RPS6KA5: variants seen among roughly 807,000 people sequenced by gnomAD.
RPS6KA5 encodes the protein ribosomal protein S6 kinase alpha-5.
A neutral mutation model predicts 85.5 loss-of-function variants in RPS6KA5; 27 were observed. That is an observed-to-expected ratio of 0.32 (90% CI 0.23 to 0.44). RPS6KA5 has a LOEUF of 0.44. RPS6KA5 is among the 20% of genes least tolerant of loss of function. RPS6KA5 has a pLI of 1.00. For missense variants in RPS6KA5, 811 were observed against 980.9 expected (o/e 0.83, Z 2.31); for synonymous variants, 334 against 348.2 (o/e 0.96, Z 0.46).
chr14:90,850,345 C>G lies in RPS6KA5; in HGVS notation c.*21729G>C, dbSNP rs969483203. ...CAATTTTAAAAATAGACATCCTTTCCCTTCTTGCTCCCTCCCATAAATACT... is the reference window on the plus strand; with the variant it reads ...CAATTTTAAAAATAGACATCCTTTCGCTTCTTGCTCCCTCCCATAAATACT... On this transcript the variant is annotated 3_prime_UTR_variant, in exon 17 of 17. Transcript: ENST00000614987. The G allele has an allele frequency of 6.6e-6, 1 of 151,976 alleles. No homozygotes were observed. Among genetic ancestry groups the G allele is most frequent in the African/African-American group, 2.4e-5 (1 of 41,352 alleles). The allele number at this position is 151,976 out of a possible 1,614,324, so 9.4% of individuals were successfully genotyped here.
rs557144008 is a variant in RPS6KA5, at chr14:90,982,470, GA to G, written c.176-3947del. ...GAGCATGATCCTGTCTCCAAAGGAA[GA>G]AAAAAAAGATAAAACAATAGTACTT... On this transcript the variant is annotated intron_variant, in intron 2 of 16. Transcript: ENST00000614987. Among the ~76,000 whole-genome samples, 492 of 151,894 alleles carry G rather than the reference GA, an allele frequency of 3.2e-3. 2 individuals are homozygous for G. Among genetic ancestry groups the G allele is most frequent in the African/African-American group, 0.011 (468 of 41,416 alleles).
At position 90,857,589 on chromosome 14, in the gene RPS6KA5, C is replaced by A. The variant is rs1056437289; in HGVS notation, c.*14485G>T. ...AGAAACTCATAGTTAGGGAATTGGG[C>A]TTGCAAAAGGTAGGCCAAATATTGA... On this transcript the variant is annotated 3_prime_UTR_variant, in exon 17 of 17. Coordinates refer to ENST00000614987, the MANE Select transcript of RPS6KA5 (RefSeq NM_004755.4). 2.0e-5 allele frequency: 3 copies of A among 152,130 alleles called. No individual in the cohort carries two copies. The highest frequency in any genetic ancestry group is 7.2e-5 in the African/African-American group (3 of 41,420). The allele number at this position is 152,130 out of a possible 1,614,324, so 9.4% of individuals were successfully genotyped here. A position where few individuals can be genotyped will look rare whatever the true frequency, so the allele number is the denominator to read the frequency against.
At chr14:90,982,767 T>TCAGGAATTCGAGATCAGCCTCACCAA (rs2039851511) in intron 2 of RPS6KA5, among the ~76,000 whole-genome samples, 1 of 150,484 alleles carries the variant, frequency 6.6e-6, no homozygotes, top group African/African-American at 2.5e-5. Context: ...TCACCTGAGG[T>TCAGGAATTCGAGATCAGCCTCACCAA]CAGGAATTCG....
chr14:91,028,145 C>CA (rs1399628546), intron 1 of RPS6KA5, among the ~76,000 whole-genome samples: 6 of 152,012 alleles, frequency 3.9e-5, no homozygotes, highest in African/African-American at 1.4e-4. Context: ...TCCCAGAAAA[C>CA]AAAGTTAGCT....
chr14:91,037,153 C>A (rs762044328), intron 1 of RPS6KA5, among the ~76,000 whole-genome samples: 35 of 152,206 alleles, frequency 2.3e-4, no homozygotes, highest in Admixed American at 6.5e-5. Context: ...TTTTTTATTG[C>A]TTCCATGCCT....
intron 12 of RPS6KA5, among the ~76,000 whole-genome samples, chr14:90,897,200 G>T (rs2034889007): frequency 6.6e-6 from 1 of 152,170 alleles, no homozygotes; most frequent in South Asian, 2.1e-4. Flanking sequence ...TCGCTGATCT[G>T]CCAAGAGGTG....
intron 8 of RPS6KA5, among the ~76,000 whole-genome samples, chr14:90,904,518 T>C (rs905075604): frequency 6.6e-6 from 1 of 152,240 alleles, no homozygotes; most frequent in African/African-American, 2.4e-5. Context: ...CTTGACTTTC[T>C]AGTTAAGTGT....
In RPS6KA5 at chr14:90,860,573, T is replaced by A. The variant is rs2032493114; in HGVS notation, c.*11501A>T. 1 of 152,088 alleles carries A rather than the reference T, an allele frequency of 6.6e-6. No homozygotes were observed. Among genetic ancestry groups the A allele is most frequent in the African/African-American group, 2.4e-5 (1 of 41,394 alleles). The allele number at this position is 152,088 out of a possible 1,614,324, so 9.4% of individuals were successfully genotyped here. On this transcript the variant is annotated 3_prime_UTR_variant, in exon 17 of 17. Coordinates refer to ENST00000614987, the MANE Select transcript of RPS6KA5 (RefSeq NM_004755.4). Reference sequence around the variant, plus strand: ...ATAAAATGGTGAACCTAGTATTTCATACAAGGCAAAAATATCCTTCAAAAA... The same window carrying A: ...ATAAAATGGTGAACCTAGTATTTCAAACAAGGCAAAAATATCCTTCAAAAA...
chr14:90,902,060 GTCC>G (rs1412116044), intron 9 of RPS6KA5, among the ~76,000 whole-genome samples: 2 of 151,278 alleles, frequency 1.3e-5, no homozygotes, highest in Non-Finnish European at 2.9e-5. Context: ...TGCACCTGTG[GTCC>G]CAGCTATTCA....
chr14:91,028,346 T>C (rs543138949), intron 1 of RPS6KA5, among the ~76,000 whole-genome samples: 2 of 151,842 alleles, frequency 1.3e-5, no homozygotes, highest in East Asian at 1.9e-4. Context: ...GCCTGCAGAG[T>C]AGCTGAGACT....
chr14:91,056,065 TA>T (rs1307596629), intron 1 of RPS6KA5, among the ~76,000 whole-genome samples: 2 of 152,004 alleles, frequency 1.3e-5, no homozygotes, highest in Non-Finnish European at 2.9e-5. Flanking sequence ...CACTTAGGAT[TA>T]AAAAAAAGAA....
chr14:90,907,085 T>C (rs1192090412), intron 7 of RPS6KA5, among the ~76,000 whole-genome samples: 1 of 152,210 alleles, frequency 6.6e-6, no homozygotes, highest in South Asian at 2.1e-4. Flanking sequence ...TTTCTCCCTC[T>C]TAACATCCAG....
intron 1 of RPS6KA5, among the ~76,000 whole-genome samples, chr14:91,004,973 A>AAAAAAAC (rs1555375800): frequency 6.6e-6 from 1 of 151,906 alleles, no homozygotes; most frequent in Non-Finnish European, 1.5e-5. Flanking sequence ...CCGTCTCAAA[A>AAAAAAAC]AAAAAAACAA....
At chr14:90,901,290 C>T (rs758443402) in intron 9 of RPS6KA5, among the ~76,000 whole-genome samples, 2 of 152,098 alleles carry the variant, frequency 1.3e-5, no homozygotes, top group Non-Finnish European at 2.9e-5. Context: ...ATGTCTCGAA[C>T]TGGTCTCAAA....
intron 7 of RPS6KA5, among the ~76,000 whole-genome samples, chr14:90,908,820 G>C (rs2035649301): frequency 6.6e-6 from 1 of 152,174 alleles, no homozygotes; most frequent in Non-Finnish European, 1.5e-5. Context: ...GTGTGAGCAG[G>C]CATGCAGGCC....
intron 1 of RPS6KA5, among the ~76,000 whole-genome samples, chr14:91,001,680 G>A (rs1817724047): frequency 6.6e-6 from 1 of 152,120 alleles, no homozygotes; most frequent in African/African-American, 2.4e-5. Context: ...TGAAATGAAA[G>A]TGTTGGTCTC....
chr14:90,900,922 GA>G (rs796659643), intron 9 of RPS6KA5, among the ~76,000 whole-genome samples, 186 bp from the exon 10 acceptor site: 13 of 152,198 alleles, frequency 8.5e-5, no homozygotes, highest in African/African-American at 3.1e-4. Context: ...ATGCTGTTCA[GA>G]AGGATATAAT....
intron 3 of RPS6KA5, among the ~76,000 whole-genome samples, chr14:90,948,272 C>T (rs1442992418): frequency 2.0e-5 from 3 of 152,112 alleles, no homozygotes; most frequent in Non-Finnish European, 4.4e-5. Context: ...TCTTCATAAA[C>T]GCAGAACTTA....
intron 3 of RPS6KA5, among the ~76,000 whole-genome samples, chr14:90,950,875 C>T (rs188651247): frequency 7.9e-5 from 12 of 152,226 alleles, no homozygotes; most frequent in Non-Finnish European, 1.6e-4. Flanking sequence ...AATCCCAGCA[C>T]TTTGGGAGGC....
Sources: allele counts gnomAD v4.1 joint callset (sites outside exome capture counted in the v4.1 genomes callset), GRCh38; gene constraint gnomAD v4.1.1; transcripts MANE v1.5; gene names NCBI Gene and HGNC (gene_info 2026-07-23, HGNC 2026-07-21).